The following DNAH9 variants were observed in gnomAD, a reference collection of about 807,000 sequenced individuals.
The protein encoded by DNAH9 is dynein axonemal heavy chain 9.
DNAH9 carries 345 observed loss-of-function variants against 471.6 expected under a neutral mutation model. That is an observed-to-expected ratio of 0.73 (90% CI 0.67 to 0.80). The LOEUF is 0.80. Among genes scored for constraint, DNAH9 ranks in the 30% least tolerant of loss-of-function variants. The pLI, the probability that DNAH9 is intolerant of heterozygous loss-of-function variation, is 0.00. For missense variants in DNAH9, 5,407 were observed against 5,609.2 expected, an observed-to-expected ratio of 0.96 and a Z score of 1.15; for synonymous variants, 2,093 against 2,123.6, an observed-to-expected ratio of 0.99 and a Z score of 0.40.
intron 53 of DNAH9, among the ~76,000 whole-genome samples, chr17:11,878,156 T>C (rs150968652): frequency 6.6e-6 from 1 of 152,334 alleles, no homozygotes; most frequent in African/African-American, 2.4e-5. Context: ...CAGGTGTATG[T>C]TCTTTTTGCT....
chr17:11,674,377 A>G (rs1473019026), intron 17 of DNAH9, among the ~76,000 whole-genome samples: 3 of 152,076 alleles, frequency 2.0e-5, no homozygotes, highest in Non-Finnish European at 4.4e-5. Context: ...AAATTGTTCA[A>G]TCCTGGCCAC....
intron 59 of DNAH9, among the ~76,000 whole-genome samples, chr17:11,894,701 T>C (rs893555078): frequency 2.0e-5 from 3 of 152,176 alleles, no homozygotes; most frequent in Admixed American, 6.5e-5. Flanking sequence ...TGCTGGTGTA[T>C]GAGGGCTCTG....
At chr17:11,953,720 G>T in intron 67 of DNAH9, among the ~76,000 whole-genome samples, 1 of 139,772 alleles carries the variant, frequency 7.2e-6, no homozygotes, top group Non-Finnish European at 1.5e-5. Context: ...GATCGCCACT[G>T]CACTCCAGCC....
At chr17:11,859,618 C>G (rs1165230294) in intron 50 of DNAH9, among the ~76,000 whole-genome samples, 3 of 152,100 alleles carry the variant, frequency 2.0e-5, no homozygotes, top group Non-Finnish European at 4.4e-5. Flanking sequence ...CACAGTTCTG[C>G]AGGTTTTACA....
intron 31 of DNAH9, among the ~76,000 whole-genome samples, chr17:11,747,173 T>G (rs1013861141): frequency 1.1e-4 from 16 of 152,318 alleles, no homozygotes; most frequent in Non-Finnish European, 1.8e-4. Context: ...AATTGTTCCC[T>G]CCTCTCTGTT....
chr17:11,645,873 CTTTTTCTTTTTT>C (rs1175578365), intron 11 of DNAH9, among the ~76,000 whole-genome samples: 3 of 138,726 alleles, frequency 2.2e-5, no homozygotes, highest in African/African-American at 8.6e-5. Flanking sequence ...TTCTCTTTTT[CTTTTTCTTTTTT>C]TTTTTTTTTT....
intron 48 of DNAH9, among the ~76,000 whole-genome samples, chr17:11,827,474 A>G (rs1172165855): frequency 6.6e-6 from 1 of 152,096 alleles, no homozygotes; most frequent in Non-Finnish European, 1.5e-5. Flanking sequence ...ACACCTTTAA[A>G]TGACCACGTC....
At chr17:11,730,754 T>C (rs921436236) in intron 28 of DNAH9, among the ~76,000 whole-genome samples, 2 of 68,052 alleles carry the variant, frequency 2.9e-5, no homozygotes, top group Non-Finnish European at 7.0e-5. Flanking sequence ...GTGGTGGTGA[T>C]GTTAGTGATG....
chr17:11,929,973 A>G lies in DNAH9; in HGVS notation c.11985A>G (p.Ala3995=). ...GGGTCTTCATGAGTGCAGAGCCAGC[A>G]CCCTCCCCTGAGGGCCACATCATCC... ...EFRVFMSAEP[A]PSPEGHIIPQ... is the part of the protein sequence containing the mutation. The change falls in exon 63 of 69, where the codon GCA becomes GCG. Residue 3995 remains alanine (A), a synonymous_variant. Transcript: ENST00000262442. 6.2e-7 allele frequency: 1 copy of G among 1,613,778 alleles called. No individual in the cohort carries two copies. Among genetic ancestry groups the G allele is most frequent in the Non-Finnish European group, 8.5e-7 (1 of 1,179,924 alleles).
At chr17:11,645,252 G>A (rs890155082) in intron 11 of DNAH9, among the ~76,000 whole-genome samples, 1 of 152,196 alleles carries the variant, frequency 6.6e-6, no homozygotes, top group African/African-American at 2.4e-5. Context: ...TGGCCGTTGA[G>A]ATTATAATTG....
Position 11,766,571 on chromosome 17 carries a change from G to A in DNAH9, c.7171-1882G>A, listed in dbSNP as rs182260503. Among the ~76,000 whole-genome samples, 46 of 152,334 alleles carry A rather than the reference G, an allele frequency of 3.0e-4. No homozygotes were observed. In the East Asian group the frequency reaches 8.1e-3, roughly 27 times the overall value. On this transcript the variant is annotated intron_variant, in intron 36 of 68. Transcript: ENST00000262442. ...GCCAGTAAAGTCCTCATGTCCTCCA[G>A]GTTAAAGGGCAGAGAGAAAACAGTG...
At chr17:11,944,794 G>A (rs528941469) in intron 67 of DNAH9, among the ~76,000 whole-genome samples, 14 of 152,266 alleles carry the variant, frequency 9.2e-5, no homozygotes, top group South Asian at 2.1e-4. Context: ...CTGGAAGTCC[G>A]TAATGTTTCA....
chr17:11,850,650 CA>C (rs35966472), intron 49 of DNAH9, among the ~76,000 whole-genome samples: 3,230 of 139,590 alleles, frequency 0.023, 108 homozygotes, highest in African/African-American at 0.08. Context: ...GACTCCATGT[CA>C]AAAAAAAAAA....
Position 11,763,532 on chromosome 17 carries a change from C to A in DNAH9, c.7088C>A (p.Ala2363Glu). ...CTCCTGACCACGGAGGACATCCCTG[C>A]AGACTGCCCTAAGGAAATTTATGAG... is the stretch of plus-strand genomic sequence containing the variant. ...ECLLTTEDIP[A>E]DCPKEIYEHY... Residue 2363 changes from alanine to glutamate, a missense_variant, in exon 36 of 69, where the codon GCA (alanine) becomes GAA (glutamate). Ala to Glu is a moderately radical substitution (Grantham distance 107). This residue lies in a region of DNAH9 where 4,636 missense variants were observed against 4,900.3 expected (regional missense o/e 0.95). Coordinates refer to ENST00000262442, the MANE Select transcript of DNAH9 (RefSeq NM_001372.4). The A allele has an allele frequency of 6.2e-7, 1 of 1,613,928 alleles. No individual in the cohort carries two copies. Among genetic ancestry groups the A allele is most frequent in the Non-Finnish European group, 8.5e-7 (1 of 1,179,792 alleles).
At chr17:11,601,131 C>G (rs775591204) in intron 1 of DNAH9, among the ~76,000 whole-genome samples, 1 of 152,138 alleles carries the variant, frequency 6.6e-6, no homozygotes, top group Non-Finnish European at 1.5e-5. Context: ...TCGTCATATG[C>G]GGGATTTCTT....
intron 8 of DNAH9, among the ~76,000 whole-genome samples, 168 bp downstream of exon 8, chr17:11,632,871 A>G (rs1359721154): frequency 1.3e-5 from 2 of 152,204 alleles, no homozygotes; most frequent in Non-Finnish European, 2.9e-5. Context: ...GAAAGTGTGC[A>G]GAATTGGGAT....
chr17:11,963,697 G>A (rs1384538778), intron 68 of DNAH9, among the ~76,000 whole-genome samples: 1 of 152,054 alleles, frequency 6.6e-6, no homozygotes, highest in Admixed American at 6.6e-5. Flanking sequence ...GAAAAGAGAT[G>A]GAAAATTTTG....
chr17:11,736,051 T>G (rs1158139072), intron 28 of DNAH9, among the ~76,000 whole-genome samples: 1 of 152,222 alleles, frequency 6.6e-6, no homozygotes, highest in Non-Finnish European at 1.5e-5. Context: ...AGAAAAGTTG[T>G]AAAAATAGCA....
chr17:11,886,232 G>A (rs910761386), intron 56 of DNAH9, among the ~76,000 whole-genome samples: 10 of 152,158 alleles, frequency 6.6e-5, no homozygotes, highest in Non-Finnish European at 1.2e-4. Flanking sequence ...GCTGAGGCAG[G>A]AGAATCGCTT....
Sources: allele counts gnomAD v4.1 joint callset (sites outside exome capture counted in the v4.1 genomes callset), GRCh38; gene constraint gnomAD v4.1.1; regional missense constraint gnomAD v4.1.1; transcripts MANE v1.5; gene names NCBI Gene and HGNC (gene_info 2026-07-23, HGNC 2026-07-21).